The following MAP3K4 variants were observed in gnomAD, a reference collection of about 807,000 sequenced individuals.
The protein encoded by MAP3K4 is mitogen-activated protein kinase kinase kinase 4.
MAP3K4 carries 67 observed loss-of-function variants against 185.6 expected under a neutral mutation model. That is an observed-to-expected ratio of 0.36 (90% confidence interval 0.30 to 0.44). MAP3K4 has a LOEUF of 0.44. Among genes scored for constraint, MAP3K4 ranks in the 20% least tolerant of loss-of-function variants. The pLI is 1.00. For missense variants in MAP3K4, 1,551 were observed against 1,995.1 expected (o/e 0.78, Z 4.24); for synonymous variants, 702 against 710.4 (o/e 0.99, Z 0.19).
intron 1 of MAP3K4, among the ~76,000 whole-genome samples, chr6:161,002,009 T>C (rs950477065): frequency 6.1e-5 from 9 of 148,432 alleles, no homozygotes; most frequent in Non-Finnish European, 1.2e-4. Flanking sequence ...AAGAAACATT[T>C]CCCCCCCAAC....
At chr6:161,038,379 ATAT>A (rs1176324129) in intron 2 of MAP3K4, among the ~76,000 whole-genome samples, 1 of 152,204 alleles carries the variant, frequency 6.6e-6, no homozygotes, top group Non-Finnish European at 1.5e-5. Flanking sequence ...ACTCATAATA[ATAT>A]ATTGGCCCCC....
intron 1 of MAP3K4, among the ~76,000 whole-genome samples, chr6:161,026,427 G>A (rs1023174432): frequency 1.6e-4 from 25 of 152,096 alleles, no homozygotes; most frequent in Non-Finnish European, 8.8e-5. Flanking sequence ...GAGCCACCGT[G>A]CCCGGTCAGA....
At chr6:161,023,264 C>T (rs1225077376) in intron 1 of MAP3K4, among the ~76,000 whole-genome samples, 1 of 152,084 alleles carries the variant, frequency 6.6e-6, no homozygotes, top group Non-Finnish European at 1.5e-5. Context: ...TGATAGTAAA[C>T]ATGGAAAACC....
rs1777646569 is a variant in MAP3K4, at chr6:161,098,004, T to C, written c.3525-274T>C. ...AGGAGGCTGAGGCAAGGAGGATCAC[T>C]TGAGCCCAGGAGGTCAAGGCTGCAG... On this transcript the variant is annotated intron_variant, in intron 16 of 26. Coordinates refer to ENST00000392142, the MANE Select transcript of MAP3K4 (RefSeq NM_005922.4). This position sits in a 1 kb window ranked among gnomAD's most constrained non-coding sequence, Gnocchi z 4.4. Among the ~76,000 whole-genome samples the C allele has an allele frequency of 6.6e-6, 1 of 152,070 alleles. No homozygotes were observed. Among genetic ancestry groups the C allele is most frequent in the Non-Finnish European group, 1.5e-5 (1 of 67,992 alleles).
Position 161,109,905 on chromosome 6 carries a change from G to A in MAP3K4, c.4387G>A (p.Asp1463Asn). The change falls in exon 23 of 27, where the codon GAC becomes AAC. Residue 1463 changes from aspartate (D) to asparagine (N), a missense_variant. Physicochemically the swap from Asp to Asn is conservative, Grantham distance 23. Transcript: ENST00000392142. The surrounding 1 kb of genome is among the most constrained non-coding windows in gnomAD (Gnocchi z 5.7). ...VLHEHGIVHR[D>N]IKGANIFLTS... ...CCATGAGCATGGCATAGTCCACCGTGACATTAAAGGTAATCCCACACCCGC... is the reference window on the plus strand; with the variant it reads ...CCATGAGCATGGCATAGTCCACCGTAACATTAAAGGTAATCCCACACCCGC... 2 of 1,613,880 alleles carry A rather than the reference G, an allele frequency of 1.2e-6. No homozygotes were observed. The highest frequency in any genetic ancestry group is 1.7e-6 in the Non-Finnish European group (2 of 1,180,002).
Position 161,093,946 on chromosome 6 carries a change from T to TG in MAP3K4, c.3427+96dup, listed in dbSNP as rs1186959294. 30 of 932,256 alleles carry TG rather than the reference T, an allele frequency of 3.2e-5. No homozygotes were observed. Among genetic ancestry groups the TG allele is most frequent in the Non-Finnish European group, 4.6e-5 (27 of 588,648 alleles). 57.7% of individuals were successfully genotyped at this position (932,256 alleles called of 1,614,324 possible). On this transcript the variant is annotated intron_variant, in intron 15 of 26. Transcript: ENST00000392142. This position sits in a 1 kb window ranked among gnomAD's most constrained non-coding sequence, Gnocchi z 5.2. ...CAGTCGTTTAAAATGGTATAAGAGG[T>TG]GTTTTAACAGTATTCAGGAAAACGA... is the stretch of plus-strand genomic sequence containing the variant.
intron 15 of MAP3K4, among the ~76,000 whole-genome samples, chr6:161,095,118 T>C (rs925790381): frequency 1.2e-4 from 18 of 152,294 alleles, no homozygotes; most frequent in Middle Eastern, 3.4e-3. Context: ...TCAATATGCC[T>C]GCCACTCCAA....
rs962103728 is a variant in MAP3K4 at position 161,107,820 on chromosome 6, C to A, written c.4049-79C>A. Reference sequence around the variant, plus strand: ...TAAATATACGTCCAAAATAATTGGACAGTATTATTACAAGTTTAAGGAATG... The same window carrying A: ...TAAATATACGTCCAAAATAATTGGAAAGTATTATTACAAGTTTAAGGAATG... On this transcript the variant is annotated intron_variant, in intron 20 of 26. Transcript: ENST00000392142. The surrounding 1 kb of genome is among the most constrained non-coding windows in gnomAD (Gnocchi z 6.2). The A allele has an allele frequency of 4.4e-6, 4 of 901,276 alleles. No individual in the cohort carries two copies. The highest frequency in any genetic ancestry group is 2.1e-5 in the Admixed American group (1 of 47,150). 55.8% of individuals were successfully genotyped at this position (901,276 alleles called of 1,614,324 possible).
intron 1 of MAP3K4, among the ~76,000 whole-genome samples, chr6:161,005,286 A>T (rs115618117): frequency 0.022 from 3,287 of 151,932 alleles, 128 homozygotes; most frequent in African/African-American, 0.076. Context: ...CTATAGGCAC[A>T]TGCCACCATG....
intron 2 of MAP3K4, among the ~76,000 whole-genome samples, chr6:161,036,145 T>G (rs144511749): frequency 6.6e-6 from 1 of 152,174 alleles, no homozygotes; most frequent in East Asian, 1.9e-4. Flanking sequence ...GTGCGAGAGA[T>G]AGAGGGAAAG....
Position 161,048,020 on chromosome 6 carries a change from C to T in MAP3K4, c.344-596C>T, listed in dbSNP as rs956112206. On this transcript the variant is annotated intron_variant, in intron 2 of 26. Coordinates refer to ENST00000392142, the MANE Select transcript of MAP3K4 (RefSeq NM_005922.4). This position sits in a 1 kb window ranked among gnomAD's most constrained non-coding sequence, Gnocchi z 4.7. ...AATGTTATTGCCCACTTGTTTGTGGCAAAGGAGAAATAAAGGAATAGAATA... is the reference window on the plus strand; with the variant it reads ...AATGTTATTGCCCACTTGTTTGTGGTAAAGGAGAAATAAAGGAATAGAATA... Among the ~76,000 whole-genome samples the T allele has an allele frequency of 6.6e-6, 1 of 152,062 alleles. No individual in the cohort carries two copies. Among genetic ancestry groups the T allele is most frequent in the African/African-American group, 2.4e-5 (1 of 41,388 alleles).
chr6:161,049,685 A>T lies in MAP3K4; in HGVS notation c.1413A>T (p.Val471=), dbSNP rs1463794582. 1.2e-6 allele frequency: 2 copies of T among 1,614,154 alleles called. No homozygotes were observed. ...AAGAACAAATCTCTGATCCTAGGGT[A>T]CCGGAAATCAGACAGCCCATAGATA... ...SEEEQISDPR[V]PEIRQPIDNS... Residue 471 remains valine (V), a synonymous_variant, in exon 3 of 27, where the codon GTA becomes GTT. Transcript: ENST00000392142. This position sits in a 1 kb window ranked among gnomAD's most constrained non-coding sequence, Gnocchi z 8.4.
chr6:161,047,276 A>AC (rs1202202929), intron 2 of MAP3K4, among the ~76,000 whole-genome samples: 7 of 73,366 alleles, frequency 9.5e-5, no homozygotes, highest in East Asian at 2.7e-3. Context: ...TCCTGTCTCT[A>AC]CCCAAAAAAA....
At chr6:161,052,589 G>A (rs547083551) in intron 3 of MAP3K4, among the ~76,000 whole-genome samples, 9 of 152,198 alleles carry the variant, frequency 5.9e-5, no homozygotes, top group African/African-American at 9.6e-5. Context: ...AACAGAGAGC[G>A]AAAGTGGGAC....
chr6:161,001,839 A>G (rs1781334517), intron 1 of MAP3K4, among the ~76,000 whole-genome samples: 1 of 152,198 alleles, frequency 6.6e-6, no homozygotes, highest in Admixed American at 6.5e-5. Flanking sequence ...TTCCTGTTCT[A>G]TAGTAAGTGC....
chr6:161,094,880 A>G (rs1453352685), intron 15 of MAP3K4, among the ~76,000 whole-genome samples: 1 of 152,266 alleles, frequency 6.6e-6, no homozygotes. Flanking sequence ...TTCTCTAAGA[A>G]CACATGATCG....
Position 161,037,155 on chromosome 6 carries a change from G to T in MAP3K4, c.343+2706G>T, listed in dbSNP as rs1286555448. Among the ~76,000 whole-genome samples, 1 of 152,128 alleles carries T rather than the reference G, an allele frequency of 6.6e-6. No individual in the cohort carries two copies. Among genetic ancestry groups the T allele is most frequent in the East Asian group, 1.9e-4 (1 of 5,188 alleles). On this transcript the variant is annotated intron_variant, in intron 2 of 26. Coordinates refer to ENST00000392142, the MANE Select transcript of MAP3K4 (RefSeq NM_005922.4). The surrounding 1 kb of genome is among the most constrained non-coding windows in gnomAD (Gnocchi z 4.2). ...AATGGGACGCCAGTGGTAGACAAGT[G>T]GGCCATTTTAATGTCTTAGTCTTGG... is the stretch of plus-strand genomic sequence containing the variant.
At chr6:161,047,117 C>T (rs1216957583) in intron 2 of MAP3K4, among the ~76,000 whole-genome samples, 1 of 135,020 alleles carries the variant, frequency 7.4e-6, no homozygotes, top group African/African-American at 3.0e-5. Context: ...TTCACTTATG[C>T]ATATATATAT....
chr6:161,006,579 T>C (rs1186870537), intron 1 of MAP3K4, among the ~76,000 whole-genome samples: 1 of 152,202 alleles, frequency 6.6e-6, no homozygotes, highest in African/African-American at 2.4e-5. Flanking sequence ...AGGGAGGTCC[T>C]AGAATCAATC....
Sources: gnomAD v4.1 joint callset for allele counts (sites outside exome capture counted in the v4.1 genomes callset) on GRCh38, gnomAD v4.1.1 for gene constraint, Gnocchi (gnomAD v3.1) non-coding constraint, MANE v1.5 for transcripts, NCBI Gene and HGNC (gene_info 2026-07-23, HGNC 2026-07-21) for gene names.